STAU1: variants seen among roughly 807,000 people sequenced by gnomAD.
The protein encoded by STAU1 is double-stranded RNA-binding protein Staufen homolog 1.
A neutral mutation model predicts 62.9 loss-of-function variants in STAU1; 13 were observed. That is an observed-to-expected ratio of 0.21 (90% CI 0.13 to 0.33). The LOEUF (loss-of-function observed/expected upper bound fraction) is 0.33, where lower values mean the gene tolerates loss of function less well. Among genes scored for constraint, STAU1 ranks in the 10% least tolerant of loss-of-function variants. STAU1 has a pLI of 1.00. For synonymous variants in STAU1, 269 were observed against 265.1 expected (o/e 1.01, Z -0.14); for missense variants, 571 against 712.1 (o/e 0.80, Z 2.25).
At chr20:49,139,652 G>A (rs1033016173) in intron 5 of STAU1, among the ~76,000 whole-genome samples, 8 of 152,106 alleles carry the variant, frequency 5.3e-5, no homozygotes, top group Middle Eastern at 3.4e-3. Context: ...CTTGAACCCA[G>A]GAGGCAGAGA....
At chr20:49,186,182 C>G (rs924643437) in intron 1 of STAU1, among the ~76,000 whole-genome samples, 2 of 152,102 alleles carry the variant, frequency 1.3e-5, no homozygotes, top group South Asian at 4.1e-4. Context: ...CCCGTCTCTA[C>G]GAAAACTACA....
the STAU1 span, among the ~76,000 whole-genome samples, chr20:49,194,416 C>A: frequency 8.3e-6 from 1 of 120,702 alleles, no homozygotes; most frequent in Admixed American, 1.2e-4. Flanking sequence ...GCAACAAGAG[C>A]GAAACTCCGT....
At chr20:49,138,731 T>TCA (rs2146078287) in intron 5 of STAU1, among the ~76,000 whole-genome samples, 1 of 152,186 alleles carries the variant, frequency 6.6e-6, no homozygotes, top group African/African-American at 2.4e-5. Flanking sequence ...TGAACTGGGC[T>TCA]CAAGCAACCC....
At chr20:49,172,299 T>G (rs1382679766) in intron 2 of STAU1, among the ~76,000 whole-genome samples, 1 of 152,222 alleles carries the variant, frequency 6.6e-6, no homozygotes, top group Non-Finnish European at 1.5e-5. Context: ...CTATAAGCCT[T>G]ATTTTCTTTT....
intron 2 of STAU1, among the ~76,000 whole-genome samples, chr20:49,168,866 T>C (rs2093561058): frequency 6.6e-6 from 1 of 151,942 alleles, no homozygotes; most frequent in African/African-American, 2.4e-5. Flanking sequence ...CACAATACAA[T>C]CTTACTAATG....
chr20:49,146,933 A>G (rs2093143675), intron 5 of STAU1, among the ~76,000 whole-genome samples: 1 of 152,178 alleles, frequency 6.6e-6, no homozygotes, highest in South Asian at 2.1e-4. Flanking sequence ...CAGATACTGC[A>G]GCTATGACCA....
At chr20:49,126,606 A>C (rs2092631066) in intron 6 of STAU1, among the ~76,000 whole-genome samples, 2 of 137,762 alleles carry the variant, frequency 1.5e-5, no homozygotes, top group African/African-American at 5.1e-5. Flanking sequence ...AAACAAAAAA[A>C]CTTAAAAATC....
intron 6 of STAU1, among the ~76,000 whole-genome samples, chr20:49,134,169 C>T (rs1005290422): frequency 4.6e-5 from 7 of 152,130 alleles, no homozygotes; most frequent in Admixed American, 1.3e-4. Flanking sequence ...AGGTGGCTCA[C>T]GCCTGTAATC....
At chr20:49,171,780 A>G (rs1190777119) in intron 2 of STAU1, among the ~76,000 whole-genome samples, 1 of 152,184 alleles carries the variant, frequency 6.6e-6, no homozygotes, top group Admixed American at 6.5e-5. Context: ...CATGTCAATC[A>G]CTATCGTCTT....
intron 2 of STAU1, among the ~76,000 whole-genome samples, chr20:49,173,578 T>C (rs1458977572): frequency 6.6e-6 from 1 of 151,822 alleles, no homozygotes; most frequent in Non-Finnish European, 1.5e-5. Context: ...TAGGTTAACT[T>C]GTCTACTAAT....
chr20:49,147,966 G>C (rs1005002232), intron 5 of STAU1, among the ~76,000 whole-genome samples: 1 of 152,138 alleles, frequency 6.6e-6, no homozygotes, highest in African/African-American at 2.4e-5. Flanking sequence ...GTGATTATCC[G>C]CAAGTGGTAA....
chr20:49,154,066 T>C lies in STAU1; in HGVS notation c.211A>G (p.Ile71Val), dbSNP rs761742242. Reference protein sequence around the residue: ...ITSTSAAAESITPTVELNALC... With the variant: ...ITSTSAAAESVTPTVELNALC... ...GCATTTAGTTCTACAGTAGGGGTTA[T>C]GCTTTCTGCAAGAAAGAATCGACAA... The change falls in exon 4 of 14, where the codon ATA becomes GTA. Residue 71 changes from isoleucine to valine, a missense_variant. Ile to Val is a conservative substitution (Grantham distance 29). Coordinates refer to ENST00000371856, the MANE Select transcript of STAU1 (RefSeq NM_017453.4). 6.9e-6 allele frequency: 11 copies of C among 1,596,030 alleles called. No individual in the cohort carries two copies. Among genetic ancestry groups the C allele is most frequent in the South Asian group, 5.7e-5 (5 of 87,030 alleles).
the STAU1 span, among the ~76,000 whole-genome samples, chr20:49,201,200 C>T: frequency 8.6e-5 from 13 of 151,676 alleles, no homozygotes; most frequent in Non-Finnish European, 1.2e-4. Flanking sequence ...GATATATGAC[C>T]GAATATTTCA....
chr20:49,171,911 A>C (rs1255232080), intron 2 of STAU1, among the ~76,000 whole-genome samples: 1 of 151,406 alleles, frequency 6.6e-6, no homozygotes, highest in Non-Finnish European at 1.5e-5. Context: ...ATATGACCAA[A>C]CTACTTTAAA....
chr20:49,131,065 C>T (rs1472361475), intron 6 of STAU1, among the ~76,000 whole-genome samples: 2 of 152,084 alleles, frequency 1.3e-5, no homozygotes, highest in African/African-American at 4.8e-5. Context: ...GGATCAATAT[C>T]ACTCCCATGG....
upstream of STAU1, among the ~76,000 whole-genome samples, chr20:49,191,764 A>C (rs2093831572): frequency 6.6e-6 from 1 of 152,142 alleles, no homozygotes; most frequent in Non-Finnish European, 1.5e-5. Context: ...ATAAAAATAT[A>C]ATGGGGCCGG....
At chr20:49,130,158 A>G (rs1190568345) in intron 6 of STAU1, among the ~76,000 whole-genome samples, 1 of 152,224 alleles carries the variant, frequency 6.6e-6, no homozygotes, top group African/African-American at 2.4e-5. Context: ...AACTACTGAA[A>G]CACACAACAG....
the STAU1 span, among the ~76,000 whole-genome samples, chr20:49,199,788 G>A: frequency 2.6e-5 from 4 of 152,058 alleles, no homozygotes; most frequent in African/African-American, 9.7e-5. Flanking sequence ...TGGCCAGGCT[G>A]GTCTTGAACT....
chr20:49,190,905 A>T (rs1037514388), upstream of STAU1, among the ~76,000 whole-genome samples: 2 of 140,288 alleles, frequency 1.4e-5, no homozygotes, highest in Non-Finnish European at 1.5e-5. Flanking sequence ...GAGATGCTGA[A>T]TTTTTTTTTT....
Sources: gnomAD v4.1 joint callset for allele counts (sites outside exome capture counted in the v4.1 genomes callset) on GRCh38, gnomAD v4.1.1 for gene constraint, MANE v1.5 for transcripts, NCBI Gene and HGNC (gene_info 2026-07-23, HGNC 2026-07-21) for gene names.